The following FGGY variants were observed in gnomAD, a reference collection of about 807,000 sequenced individuals.
FGGY encodes the protein FGGY carbohydrate kinase domain containing.
A neutral mutation model predicts 71.3 loss-of-function variants in FGGY; 72 were observed. That is an observed-to-expected ratio of 1.01 (90% confidence interval 0.84 to 1.23). The LOEUF is 1.23. FGGY is among the 50% of genes most tolerant of loss of function. The pLI, the probability that FGGY is intolerant of heterozygous loss-of-function variation, is 0.00. For synonymous variants in FGGY, 251 were observed against 250.3 expected, an observed-to-expected ratio of 1.00 and a Z score of -0.02; for missense variants, 668 against 682.3, an observed-to-expected ratio of 0.98 and a Z score of 0.23.
rs550338759 is a variant in FGGY at position 59,559,584 on chromosome 1, A to T, written c.903+5357A>T. Among the ~76,000 whole-genome samples, 14 of 152,340 alleles carry T rather than the reference A, an allele frequency of 9.2e-5. 1 individual carries two copies. In the South Asian group the frequency reaches 2.3e-3, roughly 25 times the overall value. ...GTTTTTACAAGCACATAGTGTCCAG[A>T]TCATGGTATCTAATACCATTATCCA... On this transcript the variant is annotated intron_variant, in intron 8 of 15. Coordinates refer to ENST00000303721, the MANE Select transcript of FGGY (RefSeq NM_018291.5).
chr1:59,463,183 A>G (rs1436182727), intron 6 of FGGY, among the ~76,000 whole-genome samples: 1 of 152,234 alleles, frequency 6.6e-6, no homozygotes, highest in Non-Finnish European at 1.5e-5. Context: ...TGTCCTTTGT[A>G]GGGACATGGA....
chr1:59,514,706 C>T (rs1293467076), intron 7 of FGGY, among the ~76,000 whole-genome samples: 3 of 152,124 alleles, frequency 2.0e-5, no homozygotes, highest in African/African-American at 2.4e-5. Context: ...TCACGAGATC[C>T]GATAGGTTTA....
intron 5 of FGGY, among the ~76,000 whole-genome samples, chr1:59,391,997 G>C (rs1269344563): frequency 6.6e-6 from 1 of 152,168 alleles, no homozygotes; most frequent in Non-Finnish European, 1.5e-5. Context: ...CTGAAACTCA[G>C]AAGGGTTTCA....
chr1:59,348,008 A>G (rs2052455615), intron 4 of FGGY, among the ~76,000 whole-genome samples: 1 of 152,192 alleles, frequency 6.6e-6, no homozygotes, highest in South Asian at 2.1e-4. Flanking sequence ...CTACCATCAG[A>G]GTGAACAGGC....
intron 1 of FGGY, among the ~76,000 whole-genome samples, chr1:59,321,305 C>T (rs1287613082): frequency 6.6e-6 from 1 of 152,224 alleles, no homozygotes; most frequent in Non-Finnish European, 1.5e-5. Context: ...CTGACTCTCT[C>T]TCAAGAGTGG....
In FGGY at chr1:59,411,837, A is replaced by G. The variant is rs1055351477; in HGVS notation, c.554+33000A>G. The stretch of plus-strand genomic sequence containing the variant: ...GACATGTCTCCATCTTTTTTAAGGC[A>G]TTTTTGCTTTCTGGTGCCAGAAGAT... On this transcript the variant is annotated intron_variant, in intron 5 of 15. Coordinates refer to ENST00000303721, the MANE Select transcript of FGGY (RefSeq NM_018291.5). Among the ~76,000 whole-genome samples, 6 of 152,056 alleles carry G rather than the reference A, an allele frequency of 3.9e-5. No individual in the cohort carries two copies. The South Asian group carries it at 1.2e-3, about 32-fold the overall frequency.
intron 11 of FGGY, among the ~76,000 whole-genome samples, chr1:59,658,802 G>A (rs2097247370): frequency 6.6e-6 from 1 of 152,210 alleles, no homozygotes; most frequent in Non-Finnish European, 1.5e-5. Flanking sequence ...CATAATGGTG[G>A]CTTGAATTAA....
chr1:59,673,598 T>C, intron 13 of FGGY: 1 of 176,746 alleles, frequency 5.7e-6, no homozygotes, highest in Non-Finnish European at 1.2e-5. Flanking sequence ...CACATCTCAG[T>C]TAGAGAACCA....
chr1:59,660,241 A>G lies in FGGY; in HGVS notation c.1244A>G (p.Gln415Arg). ...KGMVTGLKLS[Q>R]DLDDLAILYL... ...CAGGTCACCGGATTGAAACTGTCTC[A>G]GGACCTTGATGATCTTGCCATTCTC... Residue 415 changes from glutamine (Q) to arginine (R), a missense_variant, in exon 12 of 16, where the codon CAG (glutamine) becomes CGG (arginine). Physicochemically the swap from Gln to Arg is conservative, Grantham distance 43. Transcript: ENST00000303721. 14 of 1,613,570 alleles carry G rather than the reference A, an allele frequency of 8.7e-6. No homozygotes were observed. The highest frequency in any genetic ancestry group is 1.2e-5 in the Non-Finnish European group (14 of 1,179,986).
chr1:59,628,909 A>G (rs774934679), intron 10 of FGGY, among the ~76,000 whole-genome samples: 6 of 152,226 alleles, frequency 3.9e-5, no homozygotes, highest in Non-Finnish European at 8.8e-5. Flanking sequence ...AGGGAATAAT[A>G]GTAAACATTT....
At chr1:59,717,199 T>C (rs1326164095) in intron 14 of FGGY, among the ~76,000 whole-genome samples, 1 of 152,168 alleles carries the variant, frequency 6.6e-6, no homozygotes, top group Non-Finnish European at 1.5e-5. Context: ...AGTGCAGAGC[T>C]TTTGTGTTGT....
At chr1:59,435,745 CGTGTGTGTGTGTGTGTGTGTGTGT>C (rs10563712) in intron 5 of FGGY, among the ~76,000 whole-genome samples, 19 of 142,248 alleles carry the variant, frequency 1.3e-4, no homozygotes, top group Admixed American at 6.3e-4. Context: ...TGTGTGCCTG[CGTGTGTGTGTGTGTGTGTGTGTGT>C]GTGTGTGTGT....
chr1:59,543,900 G>C (rs1373524397), intron 7 of FGGY, among the ~76,000 whole-genome samples: 1 of 152,196 alleles, frequency 6.6e-6, no homozygotes, highest in Non-Finnish European at 1.5e-5. Flanking sequence ...AGGGGCAAGA[G>C]AAGGTTGCTG....
rs1160176266 is a variant in FGGY at position 59,332,867 on chromosome 1, G to A, written c.202-7091G>A. 3.3e-5 allele frequency among the ~76,000 whole-genome samples: 5 copies of A among 152,152 alleles called. 1 individual carries two copies. Among genetic ancestry groups the A allele is most frequent in the African/African-American group, 1.2e-4 (5 of 41,434 alleles). On this transcript the variant is annotated intron_variant, in intron 2 of 15. Transcript: ENST00000303721. ...TATATGTGCTTACGTGACACAGAGA[G>A]CAAGCATGCTGTGCTTTGTACATAA...
chr1:59,542,589 T>C (rs1181889016), intron 7 of FGGY, among the ~76,000 whole-genome samples: 2 of 150,556 alleles, frequency 1.3e-5, no homozygotes, highest in Non-Finnish European at 3.0e-5. Flanking sequence ...CCCGAGTACC[T>C]GGGATTACAG....
chr1:59,454,985 AT>A (rs1167619644), intron 5 of FGGY, among the ~76,000 whole-genome samples: 1 of 152,240 alleles, frequency 6.6e-6, no homozygotes, highest in Non-Finnish European at 1.5e-5. Flanking sequence ...TATCTTTAAA[AT>A]TGCATGAGCT....
chr1:59,467,593 T>C (rs1466089252), intron 6 of FGGY, among the ~76,000 whole-genome samples: 2 of 152,200 alleles, frequency 1.3e-5, no homozygotes, highest in Non-Finnish European at 2.9e-5. Flanking sequence ...CTTGTTACTG[T>C]AATTCCTTTT....
intron 8 of FGGY, among the ~76,000 whole-genome samples, chr1:59,579,872 A>G (rs1156826875): frequency 6.6e-6 from 1 of 152,208 alleles, no homozygotes. Flanking sequence ...CCTTAAAAAT[A>G]AAAGATCTGT....
intron 10 of FGGY, among the ~76,000 whole-genome samples, chr1:59,627,355 G>T (rs1396754371): frequency 6.7e-6 from 1 of 150,238 alleles, no homozygotes; most frequent in Admixed American, 6.6e-5. Context: ...GTTGAGTGAA[G>T]AAATCAATAT....
Sources: gnomAD v4.1 joint callset for allele counts (sites outside exome capture counted in the v4.1 genomes callset) on GRCh38, gnomAD v4.1.1 for gene constraint, MANE v1.5 for transcripts, NCBI Gene and HGNC (gene_info 2026-07-23, HGNC 2026-07-21) for gene names.